CASP10: variants seen among roughly 807,000 people sequenced by gnomAD.
CASP10 encodes the protein caspase-10.
Under a neutral mutation model 48.5 loss-of-function variants are expected in CASP10, and 41 were observed. The ratio of observed to expected loss-of-function variants is 0.85; its 90% confidence interval spans 0.66 to 1.10. The LOEUF (loss-of-function observed/expected upper bound fraction) is 1.10, where lower values mean the gene tolerates loss of function less well. Among genes scored for constraint, CASP10 ranks in the 50% least tolerant of loss-of-function variants. The pLI, the probability that CASP10 is intolerant of heterozygous loss-of-function variation, is 0.00. For synonymous variants in CASP10, 232 were observed against 238.4 expected (o/e 0.97, Z 0.25); for missense variants, 614 against 614.5 (o/e 1.00, Z 0.01).
intron 9 of CASP10, among the ~76,000 whole-genome samples, chr2:201,216,065 T>A (rs903164488): frequency 3.9e-5 from 6 of 152,030 alleles, no homozygotes; most frequent in African/African-American, 1.4e-4. Flanking sequence ...CATTTATTTG[T>A]GTCCTCTTCA....
intron 3 of CASP10, among the ~76,000 whole-genome samples, chr2:201,189,381 G>A (rs1186926293): frequency 6.6e-6 from 1 of 150,770 alleles, no homozygotes; most frequent in African/African-American, 2.4e-5. Flanking sequence ...TGATTCTCCT[G>A]CCTCAGCCTC....
In CASP10 at chr2:201,218,174, T is replaced by G; in HGVS notation, c.*433T>G. On this transcript the variant is annotated 3_prime_UTR_variant, in exon 10 of 10. Transcript: ENST00000286186. ...TAGGCCCAAGTGATCCTCCCACCTC[T>G]GTCCCCAAAATACTGGGATTATAGG... 1 of 1,034,240 alleles carries G rather than the reference T, an allele frequency of 9.7e-7. No homozygotes were observed. The highest frequency in any genetic ancestry group is 3.1e-5 in the South Asian group (1 of 32,586). 64.1% of individuals were successfully genotyped at this position (1,034,240 alleles called of 1,614,324 possible).
rs374339540 is a variant in CASP10 at position 201,195,952 on chromosome 2, G to A, written c.684+4G>A. The A allele has an allele frequency of 3.8e-6, 6 of 1,595,454 alleles. No individual in the cohort carries two copies. Among genetic ancestry groups the A allele is most frequent in the Middle Eastern group, 1.7e-4 (1 of 6,058 alleles). On this transcript the variant is annotated splice_donor_region_variant and intron_variant, in intron 5 of 9. Transcript: ENST00000286186. Reference sequence around the variant, plus strand: ...GACATTCTTGGAAGCCTTACCGGTAGGTTCAGTGGTGTGCTGGTCAATGCT... The same window carrying A: ...GACATTCTTGGAAGCCTTACCGGTAAGTTCAGTGGTGTGCTGGTCAATGCT...
In CASP10 at chr2:201,208,943, G is replaced by A. The variant is rs1393059498; in HGVS notation, c.923-127G>A. ...TCCGCCTGCTTCGGCCTTCCAAAGT[G>A]CTGAGATTATAGGTGTGAGCCACTG... On this transcript the variant is annotated intron_variant, in intron 8 of 9. Transcript: ENST00000286186. The A allele has an allele frequency of 1.8e-5, 19 of 1,030,070 alleles. No homozygotes were observed. The East Asian group carries it at 4.9e-4, about 27-fold the overall frequency. The allele number at this position is 1,030,070 out of a possible 1,614,324, so 63.8% of individuals were successfully genotyped here.
intron 3 of CASP10, among the ~76,000 whole-genome samples, chr2:201,188,973 C>A (rs952611936): frequency 2.0e-5 from 3 of 151,458 alleles, no homozygotes; most frequent in South Asian, 2.1e-4. Flanking sequence ...TGGGTTCAAG[C>A]GATTCTCCTG....
Position 201,186,122 on chromosome 2 carries a change from T to G in CASP10, c.345T>G (p.Phe115Leu), listed in dbSNP as rs761521100. The change falls in exon 2 of 10, where the codon TTT becomes TTG. Residue 115 changes from phenylalanine (F) to leucine (L), a missense_variant and splice_region_variant. Transcript: ENST00000286186. ...LLPTRQRVSL[F>L]RNLLYELSEG... Reference sequence around the variant, plus strand: ...CCACCCGACAAAGGGTTTCTCTGTTTAGGTGAGGACGGGTCTGTGGTGGAG... The same window carrying G: ...CCACCCGACAAAGGGTTTCTCTGTTGAGGTGAGGACGGGTCTGTGGTGGAG... 2 of 1,610,500 alleles carry G rather than the reference T, an allele frequency of 1.2e-6. No homozygotes were observed. The highest frequency in any genetic ancestry group is 1.1e-5 in the South Asian group (1 of 90,952).
intron 5 of CASP10, among the ~76,000 whole-genome samples, chr2:201,198,642 A>G (rs925329764): frequency 1.4e-5 from 2 of 140,582 alleles, no homozygotes; most frequent in African/African-American, 5.4e-5. Context: ...CCGTGTTCAC[A>G]CCATTCTCCT....
chr2:201,209,792 C>T (rs1175476991), intron 9 of CASP10, among the ~76,000 whole-genome samples: 1 of 152,070 alleles, frequency 6.6e-6, no homozygotes, highest in Non-Finnish European at 1.5e-5. Flanking sequence ...TCTGTCCATC[C>T]ATCCATCCAT....
At position 201,219,406 on chromosome 2, in the gene CASP10, G is replaced by C; in HGVS notation, c.*1665G>C. ...CCAGGAGTGGATAACACTGGCTTCA[G>C]GCAAAGCTTGAATCAGGACTCAATC... On this transcript the variant is annotated 3_prime_UTR_variant, in exon 10 of 10. Coordinates refer to ENST00000286186, the MANE Select transcript of CASP10 (RefSeq NM_032977.4). The C allele has an allele frequency of 2.0e-6, 2 of 983,360 alleles. No homozygotes were observed. The highest frequency in any genetic ancestry group is 1.2e-6 in the Non-Finnish European group (1 of 828,034). The allele number at this position is 983,360 out of a possible 1,614,324, so 60.9% of individuals were successfully genotyped here. A position where few individuals can be genotyped will look rare whatever the true frequency, so the allele number is the denominator to read the frequency against.
chr2:201,206,358 G>T (rs1576119399), intron 7 of CASP10: 1 of 169,274 alleles, frequency 5.9e-6, no homozygotes, highest in East Asian at 1.7e-4. Flanking sequence ...CTCTGCTAAA[G>T]CCAGCTCAGC....
intron 5 of CASP10, among the ~76,000 whole-genome samples, chr2:201,201,399 T>C (rs1312894003): frequency 1.3e-5 from 2 of 152,100 alleles, no homozygotes; most frequent in Non-Finnish European, 2.9e-5. Flanking sequence ...CTAAGTTAAA[T>C]TGTCTGCTAA....
Position 201,217,956 on chromosome 2 carries a change from C to A in CASP10, c.*215C>A. ...TTGGAGATAGTCTCATTCTGTCACC[C>A]AGACTGGAGTGCAGGGGGGCAATCA... On this transcript the variant is annotated 3_prime_UTR_variant, in exon 10 of 10. Coordinates refer to ENST00000286186, the MANE Select transcript of CASP10 (RefSeq NM_032977.4). 1.6e-6 allele frequency: 2 copies of A among 1,276,378 alleles called. No homozygotes were observed. Among genetic ancestry groups the A allele is most frequent in the Non-Finnish European group, 2.0e-6 (2 of 982,920 alleles). The allele number at this position is 1,276,378 out of a possible 1,614,324, so 79.1% of individuals were successfully genotyped here. A position where few individuals can be genotyped will look rare whatever the true frequency, so the allele number is the denominator to read the frequency against.
intron 4 of CASP10, among the ~76,000 whole-genome samples, chr2:201,194,872 A>T (rs1194210443): frequency 6.6e-6 from 1 of 151,862 alleles, no homozygotes; most frequent in Non-Finnish European, 1.5e-5. Context: ...TCTGCCTCCC[A>T]GGTTCACACC....
chr2:201,206,252 GA>G (rs1366763820), intron 7 of CASP10: 2 of 281,574 alleles, frequency 7.1e-6, no homozygotes, highest in African/African-American at 4.5e-5. Flanking sequence ...TATTTCTGGA[GA>G]GGGGTAGTTT....
At position 201,219,783 on chromosome 2, in the gene CASP10, G is replaced by A. The variant is rs951152686; in HGVS notation, c.*2042G>A. The A allele has an allele frequency of 1.0e-6, 1 of 976,946 alleles. No homozygotes were observed. The highest frequency in any genetic ancestry group is 1.2e-6 in the Non-Finnish European group (1 of 828,696). 60.5% of individuals were successfully genotyped at this position (976,946 alleles called of 1,614,324 possible). A position where few individuals can be genotyped will look rare whatever the true frequency, so the allele number is the denominator to read the frequency against. ...TGGAACTGTATTTTGAATCCTTAAA[G>A]GTGAGCCCTCATAGGGAGATCCAAA... On this transcript the variant is annotated 3_prime_UTR_variant, in exon 10 of 10. Transcript: ENST00000286186.
At chr2:201,191,819 CCG>C (rs1318767704) in intron 3 of CASP10, among the ~76,000 whole-genome samples, 1 of 152,266 alleles carries the variant, frequency 6.6e-6, no homozygotes, top group African/African-American at 2.4e-5. Flanking sequence ...GTCAGGAAAT[CCG>C]TTCTCAGCAC....
intron 5 of CASP10, among the ~76,000 whole-genome samples, chr2:201,203,086 G>T (rs1292935364): frequency 6.6e-6 from 1 of 152,138 alleles, no homozygotes; most frequent in Non-Finnish European, 1.5e-5. Flanking sequence ...TATAGAGGCT[G>T]TCCTTGGCAT....
chr2:201,195,763 C>T (rs368707977), intron 4 of CASP10, 79 bp from the exon 5 acceptor site: 20 of 1,109,044 alleles, frequency 1.8e-5, no homozygotes, highest in South Asian at 2.5e-5. Flanking sequence ...CTGCAACCTC[C>T]GCCTCCTGGG....
chr2:201,196,099 A>G, intron 5 of CASP10, 151 bp downstream of exon 5: 2 of 620,576 alleles, frequency 3.2e-6, no homozygotes. Flanking sequence ...CAAGTAAACA[A>G]CATGATATCA....
Sources: gnomAD v4.1 joint callset for allele counts (sites outside exome capture counted in the v4.1 genomes callset) on GRCh38, gnomAD v4.1.1 for gene constraint, MANE v1.5 for transcripts, NCBI Gene and HGNC (gene_info 2026-07-23, HGNC 2026-07-21) for gene names.